AFF2: variants seen among roughly 807,000 people sequenced by gnomAD.
AFF2 encodes the protein AF4/FMR2 family member 2.
Under a neutral mutation model 76.9 loss-of-function variants are expected in AFF2, and 14 were observed. The observed-to-expected ratio is 0.18, with a 90% CI of 0.12 to 0.28. The LOEUF (loss-of-function observed/expected upper bound fraction) is 0.28, where lower values mean the gene tolerates loss of function less well. Ranked by LOEUF, AFF2 falls within the 10% of genes least tolerant of loss-of-function variation. The pLI, the probability that AFF2 is intolerant of heterozygous loss-of-function variation, is 1.00. For missense variants in AFF2, 868 were observed against 1,001.1 expected (o/e 0.87, Z 1.79); for synonymous variants, 398 against 366.7 (o/e 1.09, Z -0.98).
At chrX:148,896,857 G>A (rs782085971) in intron 8 of AFF2, among the ~76,000 whole-genome samples, 7 of 110,080 alleles carry the variant, frequency 6.4e-5, no homozygotes, top group Non-Finnish European at 1.1e-4. Flanking sequence ...ATTTTGAGTT[G>A]TTAGCACAGA....
intron 1 of AFF2, among the ~76,000 whole-genome samples, chrX:148,529,205 A>G (rs1489463813): frequency 8.9e-6 from 1 of 111,895 alleles, no homozygotes; most frequent in African/African-American, 3.2e-5. Flanking sequence ...CTGCCTCCTT[A>G]GTTAATGAGA....
In AFF2 at chrX:148,558,479, C is replaced by CAT. The variant is rs781975540; in HGVS notation, c.47+57343_47+57344dup. Among the ~76,000 whole-genome samples the CAT allele has an allele frequency of 1.0e-3, 116 of 111,511 alleles. 1 individual carries two copies. Among genetic ancestry groups the CAT allele is most frequent in the Non-Finnish European group, 1.9e-3 (99 of 53,048 alleles). ...CGCAGCTAGTTCTGTCATTTACAGA[C>CAT]ATATATATAGCTGCTCTGTCACTGA... On this transcript the variant is annotated intron_variant, in intron 1 of 20. Coordinates refer to ENST00000370460, the MANE Select transcript of AFF2 (RefSeq NM_002025.4).
intron 1 of AFF2, among the ~76,000 whole-genome samples, chrX:148,542,448 C>G (rs2052869277): frequency 9.0e-6 from 1 of 111,457 alleles, no homozygotes; most frequent in African/African-American, 3.3e-5. Context: ...CAAATTGATG[C>G]CTCTTCTAAC....
intron 3 of AFF2, among the ~76,000 whole-genome samples, chrX:148,684,073 G>A (rs1217066069): frequency 9.0e-6 from 1 of 111,702 alleles, no homozygotes; most frequent in East Asian, 2.8e-4. Context: ...TTAGATCTAT[G>A]TACAATCTAG....
At position 148,652,035 on chromosome X, in the gene AFF2, G is replaced by A. The variant is rs782431970; in HGVS notation, c.84G>A (p.Arg28=). Residue 28 remains arginine, a synonymous_variant, in exon 2 of 21, where the codon AGG becomes AGA. Coordinates refer to ENST00000370460, the MANE Select transcript of AFF2 (RefSeq NM_002025.4). ...YEQDRSALKK[R]EWERRNQEVQ... ...AAGACCGTAGTGCACTTAAAAAAAG[G>A]GAATGGGAGCGGAGGAATCAAGAAG... 8.3e-7 allele frequency: 1 copy of A among 1,204,417 alleles called. No individual in the cohort carries two copies. Among genetic ancestry groups the A allele is most frequent in the South Asian group, 1.8e-5 (1 of 56,261 alleles).
chrX:148,932,208 G>A (rs1484056921), intron 9 of AFF2, among the ~76,000 whole-genome samples: 18 of 112,171 alleles, frequency 1.6e-4, no homozygotes, highest in South Asian at 7.5e-4. Flanking sequence ...TGAAGGTACC[G>A]CTTAGGTTGA....
intron 1 of AFF2, among the ~76,000 whole-genome samples, chrX:148,581,148 T>TAC (rs2053368570): frequency 1.4e-5 from 1 of 71,248 alleles, no homozygotes; most frequent in Admixed American, 1.9e-4. Context: ...TACACACATA[T>TAC]ACATATACGT....
intron 1 of AFF2, among the ~76,000 whole-genome samples, chrX:148,636,417 T>C (rs782196990): frequency 8.9e-6 from 1 of 112,325 alleles, no homozygotes; most frequent in Non-Finnish European, 1.9e-5. Flanking sequence ...ATTGTTCATT[T>C]GGCTACATTT....
chrX:148,694,175 C>CGGGGG (rs67194871), intron 3 of AFF2, among the ~76,000 whole-genome samples: 1 of 72,851 alleles, frequency 1.4e-5, no homozygotes, highest in Non-Finnish European at 2.5e-5. Flanking sequence ...GTTGTGGGGT[C>CGGGGG]GGGGGGGGGG....
chrX:148,931,664 T>C lies in AFF2; in HGVS notation c.1398-21916T>C, dbSNP rs2071714855. 2.7e-5 allele frequency among the ~76,000 whole-genome samples: 3 copies of C among 112,309 alleles called. No homozygotes were observed. The South Asian group carries it at 1.1e-3, about 41-fold the overall frequency. ...TTAATAAGGTGAAGGCTGAAATGCA[T>C]GTTTTTATTCTGCTGTAGGTATTAT... On this transcript the variant is annotated intron_variant, in intron 9 of 20. Transcript: ENST00000370460.
chrX:148,818,116 A>G (rs2070288111), intron 4 of AFF2, among the ~76,000 whole-genome samples: 2 of 111,629 alleles, frequency 1.8e-5, no homozygotes, highest in Non-Finnish European at 3.8e-5. Flanking sequence ...ACAATTAAAT[A>G]TGTAAAGAAT....
intron 1 of AFF2, among the ~76,000 whole-genome samples, chrX:148,570,347 C>G (rs1302631417): frequency 4.5e-5 from 5 of 112,311 alleles, no homozygotes; most frequent in African/African-American, 1.6e-4. Flanking sequence ...TTGAACCAAG[C>G]AATCATTACT....
intron 3 of AFF2, among the ~76,000 whole-genome samples, chrX:148,797,037 C>T (rs2069993717): frequency 8.9e-6 from 1 of 112,383 alleles, no homozygotes; most frequent in Admixed American, 9.4e-5. Context: ...AAGCACGTTG[C>T]CTGTCGTCTG....
At chrX:148,626,173 A>G (rs1335393478) in intron 1 of AFF2, among the ~76,000 whole-genome samples, 1 of 111,389 alleles carries the variant, frequency 9.0e-6, no homozygotes, top group Non-Finnish European at 1.9e-5. Context: ...GCTGAACTAA[A>G]GAGACATGGA....
Position 148,694,810 on chromosome X carries a change from C to CT in AFF2, c.1041+32065dup, listed in dbSNP as rs34803945. On this transcript the variant is annotated intron_variant, in intron 3 of 20. Coordinates refer to ENST00000370460, the MANE Select transcript of AFF2 (RefSeq NM_002025.4). ...ACCATGAACAAGGTATCACAAAGCA[C>CT]TTTTTTTTTTTTTTTTTTTTTTTGA... 9.2e-3 allele frequency among the ~76,000 whole-genome samples: 452 copies of CT among 48,955 alleles called. 7 individuals are homozygous for CT. Among genetic ancestry groups the CT allele is most frequent in the African/African-American group, 0.016 (209 of 12,878 alleles). 42.5% of individuals were successfully genotyped at this position (48,955 alleles called of 115,157 possible).
At chrX:148,861,963 GT>G (rs1330290301) in intron 7 of AFF2, among the ~76,000 whole-genome samples, 23 of 108,775 alleles carry the variant, frequency 2.1e-4, no homozygotes, top group South Asian at 4.0e-4. Context: ...CCTTTTGTCT[GT>G]TTTTTTTTCC....
chrX:148,773,568 G>A (rs950407391), intron 3 of AFF2, among the ~76,000 whole-genome samples: 8 of 106,843 alleles, frequency 7.5e-5, no homozygotes, highest in Non-Finnish European at 1.3e-4. Flanking sequence ...TAATCAGAGT[G>A]ACAAATGCAA....
At chrX:148,912,278 C>T (rs1057422631) in intron 9 of AFF2, among the ~76,000 whole-genome samples, 1 of 112,339 alleles carries the variant, frequency 8.9e-6, no homozygotes. Flanking sequence ...TAGGTTCCCT[C>T]CCCTAGCCCT....
chrX:148,649,781 G>C (rs922451343), intron 1 of AFF2, among the ~76,000 whole-genome samples: 2 of 111,219 alleles, frequency 1.8e-5, no homozygotes, highest in African/African-American at 6.6e-5. Flanking sequence ...TTTCCTTCAG[G>C]GTTTTAATTA....
Sources: gnomAD v4.1 joint callset for allele counts (sites outside exome capture counted in the v4.1 genomes callset) on GRCh38, gnomAD v4.1.1 for gene constraint, MANE v1.5 for transcripts, NCBI Gene and HGNC (gene_info 2026-07-23, HGNC 2026-07-21) for gene names.